CYB5D2: variants seen among roughly 807,000 people sequenced by gnomAD.
CYB5D2 encodes the protein neuferricin.
Under a neutral mutation model 22.8 loss-of-function variants are expected in CYB5D2, and 23 were observed. That is an observed-to-expected ratio of 1.01 (90% CI 0.73 to 1.43). CYB5D2 has a LOEUF of 1.43. Ranked by LOEUF, CYB5D2 falls within the 40% of genes most tolerant of loss-of-function variation. CYB5D2 has a pLI of 0.00. For missense variants in CYB5D2, 373 were observed against 357.2 expected (o/e 1.04, Z -0.36); for synonymous variants, 170 against 152.2 (o/e 1.12, Z -0.86).
At chr17:4,147,524 AGAG>A (rs1173233943) in intron 1 of CYB5D2, among the ~76,000 whole-genome samples, 7 of 152,212 alleles carry the variant, frequency 4.6e-5, no homozygotes, top group African/African-American at 1.4e-4. Context: ...ACCGATTTGA[AGAG>A]GAGGAGAGGA....
rs1253058887 is a variant in CYB5D2 at position 4,154,792 on chromosome 17, G to A, written c.510G>A (p.Gln170=). ...EANKLQLQEK[Q]TFPPCNAEWS... is the part of the protein sequence containing the mutation. ...ACAAACTACAGCTGCAAGAGAAGCA[G>A]ACATTCCCGCCGTGCAACGCGGAGT... Residue 170 remains glutamine, a synonymous_variant, in exon 3 of 4, where the codon CAG becomes CAA. Coordinates refer to ENST00000301391, the MANE Select transcript of CYB5D2 (RefSeq NM_144611.4). 5.6e-6 allele frequency: 9 copies of A among 1,614,200 alleles called. No homozygotes were observed. Among genetic ancestry groups the A allele is most frequent in the East Asian group, 2.2e-5 (1 of 44,882 alleles).
At position 4,149,848 on chromosome 17, in the gene CYB5D2, C is replaced by G. The variant is rs542445795; in HGVS notation, c.251-43C>G. On this transcript the variant is annotated intron_variant, in intron 1 of 3. Coordinates refer to ENST00000301391, the MANE Select transcript of CYB5D2 (RefSeq NM_144611.4). ...ACAGATTCTTGAGTGGGGATGGTGT[C>G]AGTGGTTTACACCTGGGTCTGATGG... 6.3e-6 allele frequency: 10 copies of G among 1,582,362 alleles called. No homozygotes were observed. In the South Asian group the frequency reaches 1.1e-4, roughly 18 times the overall value.
chr17:4,144,359 C>G (rs1178165224), intron 1 of CYB5D2, among the ~76,000 whole-genome samples: 1 of 152,134 alleles, frequency 6.6e-6, no homozygotes, highest in Admixed American at 6.5e-5. Context: ...CCCGCCCCGC[C>G]CCTACCCTCA....
chr17:4,156,108 G>A (rs1256191369), intron 3 of CYB5D2, among the ~76,000 whole-genome samples: 1 of 152,238 alleles, frequency 6.6e-6, no homozygotes, highest in East Asian at 1.9e-4. Context: ...TTCTCGCTGG[G>A]GGCAGTTTCT....
intron 2 of CYB5D2, among the ~76,000 whole-genome samples, chr17:4,154,247 A>T (rs1031220171): frequency 6.6e-6 from 1 of 152,236 alleles, no homozygotes; most frequent in Admixed American, 6.5e-5. Flanking sequence ...GAAGTTCAAG[A>T]CTAGCCTGGT....
At position 4,157,046 on chromosome 17, in the gene CYB5D2, C is replaced by T. The variant is rs761717272; in HGVS notation, c.759C>T (p.Cys253=). The T allele has an allele frequency of 2.5e-5, 40 of 1,612,318 alleles. No homozygotes were observed. In the African/African-American group the frequency reaches 4.8e-4, roughly 19 times the overall value. Residue 253 remains cysteine (C), a synonymous_variant, in exon 4 of 4, where the codon TGC becomes TGT. Transcript: ENST00000301391. This position sits in a 1 kb window ranked among gnomAD's most constrained non-coding sequence, Gnocchi z 4.4. Reference sequence around the variant, plus strand: ...CAAACTTGGCAGAGTACACAGGCTGCCCACCGCTAGCCATCACATGCTCCT... The same window carrying T: ...CAAACTTGGCAGAGTACACAGGCTGTCCACCGCTAGCCATCACATGCTCCT... ...DHPNLAEYTG[C]PPLAITCSFP...
intron 1 of CYB5D2, 93 bp from the exon 2 acceptor site, chr17:4,149,798 C>CA (rs138353200): frequency 0.21 from 277,571 of 1,299,724 alleles, 11,778 homozygotes; most frequent in Admixed American, 0.24. Flanking sequence ...GACTCCGTCT[C>CA]AAAAAAAAAA....
intron 2 of CYB5D2, among the ~76,000 whole-genome samples, chr17:4,152,516 C>G (rs1355174015): frequency 6.6e-6 from 1 of 152,224 alleles, no homozygotes; most frequent in East Asian, 1.9e-4. Context: ...GATGCAGCCA[C>G]TGGTGATCAC....
chr17:4,144,527 T>G (rs1212286309), intron 1 of CYB5D2, among the ~76,000 whole-genome samples: 1 of 152,220 alleles, frequency 6.6e-6, no homozygotes, highest in African/African-American at 2.4e-5. Context: ...ATAGTACATT[T>G]GGTCTGAGTC....
rs150241046 is a variant in CYB5D2 at position 4,143,961 on chromosome 17, G to A, written c.206G>A (p.Gly69Asp). 52 of 1,612,518 alleles carry A rather than the reference G, an allele frequency of 3.2e-5. No homozygotes were observed. Among genetic ancestry groups the A allele is most frequent in the Non-Finnish European group, 8.5e-7 (1 of 1,179,808 alleles). Residue 69 changes from glycine to aspartate, a missense_variant, in exon 1 of 4, where the codon GGC becomes GAC. Physicochemically the swap from Gly to Asp is moderately conservative, Grantham distance 94. Coordinates refer to ENST00000301391, the MANE Select transcript of CYB5D2 (RefSeq NM_144611.4). ...LLGRVYDVSS[G>D]RRHYEPGSHY... ...GGCCGTGTCTACGATGTGTCCTCCGGCCGGAGGCACTACGAGCCTGGGTCC... is the reference window on the plus strand; with the variant it reads ...GGCCGTGTCTACGATGTGTCCTCCGACCGGAGGCACTACGAGCCTGGGTCC...
At chr17:4,155,454 A>T (rs1366184282) in intron 3 of CYB5D2, among the ~76,000 whole-genome samples, 1 of 152,104 alleles carries the variant, frequency 6.6e-6, no homozygotes, top group African/African-American at 2.4e-5. Context: ...AACAGTAACA[A>T]ACAAAAAAAA....
intron 1 of CYB5D2, among the ~76,000 whole-genome samples, chr17:4,148,691 G>T (rs1487709035): frequency 6.6e-6 from 1 of 152,018 alleles, no homozygotes; most frequent in African/African-American, 2.4e-5. Flanking sequence ...AGGCATGTTG[G>T]TGCGCATCTG....
At chr17:4,153,898 T>TA (rs1210879756) in intron 2 of CYB5D2, among the ~76,000 whole-genome samples, 5 of 152,232 alleles carry the variant, frequency 3.3e-5, no homozygotes, top group Admixed American at 2.0e-4. Flanking sequence ...GCGCTGAACA[T>TA]ACGCGCCACT....
At chr17:4,149,861 C>T (rs369854397) in intron 1 of CYB5D2, 30 bp from the exon 2 acceptor site, 26 of 1,601,906 alleles carry the variant, frequency 1.6e-5, no homozygotes, top group Non-Finnish European at 2.1e-5. Flanking sequence ...TGGTTTACAC[C>T]TGGGTCTGAT....
At chr17:4,151,653 C>T (rs941341628) in intron 2 of CYB5D2, among the ~76,000 whole-genome samples, 1 of 151,624 alleles carries the variant, frequency 6.6e-6, no homozygotes, top group African/African-American at 2.4e-5. Context: ...CACCACTACA[C>T]TCCAGCCTGG....
At position 4,145,037 on chromosome 17, in the gene CYB5D2, T is replaced by C. The variant is rs1041939301; in HGVS notation, c.250+1032T>C. Among the ~76,000 whole-genome samples the C allele has an allele frequency of 5.9e-5, 9 of 152,118 alleles. No individual in the cohort carries two copies. In the East Asian group the frequency reaches 1.2e-3, roughly 20 times the overall value. On this transcript the variant is annotated intron_variant, in intron 1 of 3. Coordinates refer to ENST00000301391, the MANE Select transcript of CYB5D2 (RefSeq NM_144611.4). ...TCCTGACCTTATGATCCGCCCACCT[T>C]GGCCTCCCAAAGTGCTGGGATTACA...
At position 4,157,185 on chromosome 17, in the gene CYB5D2, A is replaced by T; in HGVS notation, c.*103A>T. On this transcript the variant is annotated 3_prime_UTR_variant, in exon 4 of 4. Coordinates refer to ENST00000301391, the MANE Select transcript of CYB5D2 (RefSeq NM_144611.4). The surrounding 1 kb of genome is among the most constrained non-coding windows in gnomAD (Gnocchi z 4.4). Reference sequence around the variant, plus strand: ...GGGATGCCTCCTGGCGCGAATCAGGAGGGTCTGGAAGGACTCTGGCTATAT... The same window carrying T: ...GGGATGCCTCCTGGCGCGAATCAGGTGGGTCTGGAAGGACTCTGGCTATAT... The T allele has an allele frequency of 7.7e-7, 1 of 1,294,508 alleles. No individual in the cohort carries two copies. Among genetic ancestry groups the T allele is most frequent in the East Asian group, 2.5e-5 (1 of 39,732 alleles). The allele number at this position is 1,294,508 out of a possible 1,614,324, so 80.2% of individuals were successfully genotyped here. A position where few individuals can be genotyped will look rare whatever the true frequency, so the allele number is the denominator to read the frequency against.
chr17:4,143,618 G>GGAGGGAGCGCGAGCACTAGCGCGCGAGA lies in CYB5D2; in HGVS notation c.-134_-107dup, dbSNP rs1406912651. 7 of 1,240,332 alleles carry GGAGGGAGCGCGAGCACTAGCGCGCGAGA rather than the reference G, an allele frequency of 5.6e-6. No individual in the cohort carries two copies. The African/African-American group carries it at 1.1e-4, about 19-fold the overall frequency. The allele number at this position is 1,240,332 out of a possible 1,614,324, so 76.8% of individuals were successfully genotyped here. On this transcript the variant is annotated 5_prime_UTR_variant, in exon 1 of 4. Transcript: ENST00000301391. ...TACAGATAAAACGAGAGAGACTAAGGGAGGGAGCGCGAGCACTAGCGCGCG... is the reference window on the plus strand; with the variant it reads ...TACAGATAAAACGAGAGAGACTAAGGGAGGGAGCGCGAGCACTAGCGCGCGAGAGAGGGAGCGCGAGCACTAGCGCGCG...
intron 2 of CYB5D2, among the ~76,000 whole-genome samples, chr17:4,153,393 C>T (rs549732024): frequency 5.9e-5 from 9 of 152,144 alleles, no homozygotes; most frequent in South Asian, 4.2e-4. Flanking sequence ...TGGAGCCCCC[C>T]GTGAACGAGG....
Sources: allele counts gnomAD v4.1 joint callset (sites outside exome capture counted in the v4.1 genomes callset), GRCh38; gene constraint gnomAD v4.1.1; non-coding constraint Gnocchi (gnomAD v3.1); transcripts MANE v1.5; gene names NCBI Gene and HGNC (gene_info 2026-07-23, HGNC 2026-07-21).